The following DNAH14 variants were observed in gnomAD, a reference collection of about 807,000 sequenced individuals.
The protein encoded by DNAH14 is axonemal beta dynein heavy chain 14.
In DNAH14, 478 loss-of-function variants were observed where a neutral mutation model predicts 520.9. The observed-to-expected ratio is 0.92, with a 90% CI of 0.85 to 0.99. The LOEUF is 0.99. Among genes scored for constraint, DNAH14 ranks in the 50% least tolerant of loss-of-function variants. The probability of loss-of-function intolerance (pLI) is 0.00; values close to 1 mark genes in which losing one functional copy is unlikely to be tolerated. For synonymous variants in DNAH14, 1,581 were observed against 1,757.2 expected (o/e 0.90, Z 2.51); for missense variants, 4,831 against 5,234.5 (o/e 0.92, Z 2.38).
intron 1 of DNAH14, among the ~76,000 whole-genome samples, chr1:224,939,039 ATG>A (rs986757090): frequency 6.6e-6 from 1 of 152,162 alleles, no homozygotes; most frequent in Admixed American, 6.5e-5. Context: ...GGGGAGGGGG[ATG>A]AATGGAAAAA....
At chr1:225,075,005 C>A (rs1023318674) in intron 17 of DNAH14, among the ~76,000 whole-genome samples, 1 of 152,198 alleles carries the variant, frequency 6.6e-6, no homozygotes, top group Non-Finnish European at 1.5e-5. Flanking sequence ...GCCAGCATTG[C>A]AGTTACTTTT....
At chr1:225,165,879 A>G (rs2081995655) in intron 35 of DNAH14, among the ~76,000 whole-genome samples, 1 of 151,964 alleles carries the variant, frequency 6.6e-6, no homozygotes, top group Admixed American at 6.6e-5. Flanking sequence ...GACACCGCGC[A>G]TGGCCTCATA....
chr1:225,098,941 G>A (rs2075219559), intron 22 of DNAH14, among the ~76,000 whole-genome samples: 1 of 152,152 alleles, frequency 6.6e-6, no homozygotes, highest in Admixed American at 6.5e-5. Flanking sequence ...CTGCCTTTGA[G>A]TAATGGAGCA....
intron 68 of DNAH14, among the ~76,000 whole-genome samples, chr1:225,338,995 C>G (rs1424663686): frequency 6.6e-6 from 1 of 152,110 alleles, no homozygotes; most frequent in Non-Finnish European, 1.5e-5. Context: ...ATTATTACTC[C>G]TTAGAATTCT....
At chr1:224,956,705 T>G (rs1572041398) in intron 3 of DNAH14, among the ~76,000 whole-genome samples, 1 of 152,258 alleles carries the variant, frequency 6.6e-6, no homozygotes, top group East Asian at 1.9e-4. Flanking sequence ...ACACCTTTAG[T>G]TGTCTTCATC....
intron 46 of DNAH14, among the ~76,000 whole-genome samples, chr1:225,263,022 C>T (rs1312677450): frequency 6.6e-6 from 1 of 151,132 alleles, no homozygotes; most frequent in Non-Finnish European, 1.5e-5. Flanking sequence ...AAAGAACAAA[C>T]AATAAATCTA....
rs140368670 is a variant in DNAH14, at chr1:225,131,602, A to G, written c.4254+7988A>G. On this transcript the variant is annotated intron_variant, in intron 27 of 85. Transcript: ENST00000682510. ...TCTCTAGCTCAATTTTCTTAATTCAATTCCATCTGAAAAGTCCTTTTTGCC... is the reference window on the plus strand; with the variant it reads ...TCTCTAGCTCAATTTTCTTAATTCAGTTCCATCTGAAAAGTCCTTTTTGCC... Among the ~76,000 whole-genome samples the G allele has an allele frequency of 1.8e-4, 27 of 152,296 alleles. No individual in the cohort carries two copies. In the East Asian group the frequency reaches 3.5e-3, roughly 20 times the overall value.
Position 224,955,004 on chromosome 1 carries a change from A to G in DNAH14, c.123A>G (p.Leu41=). ...AAAAATATGAAGATGTGAAACCATT[A>G]GAGACTCAACCAGCTGAAATAGCAG... ...EEKKYEDVKP[L]ETQPAEIAEK... The change falls in exon 3 of 86, where the codon TTA becomes TTG. Residue 41 remains leucine, a synonymous_variant. Transcript: ENST00000682510. 2 of 1,608,868 alleles carry G rather than the reference A, an allele frequency of 1.2e-6. No homozygotes were observed. The highest frequency in any genetic ancestry group is 1.7e-6 in the Non-Finnish European group (2 of 1,175,834).
chr1:225,173,240 A>G (rs1291907328), intron 36 of DNAH14, among the ~76,000 whole-genome samples: 1 of 152,242 alleles, frequency 6.6e-6, no homozygotes, highest in Non-Finnish European at 1.5e-5. Context: ...AATGGCAACA[A>G]AAGCCAAAAT....
intron 28 of DNAH14, 80 bp downstream of exon 28, chr1:225,141,101 C>A: frequency 7.5e-7 from 1 of 1,333,392 alleles, no homozygotes. Flanking sequence ...CTACCTCACA[C>A]TTTGTCAAAC....
chr1:225,092,671 C>T (rs1364358350), intron 21 of DNAH14, among the ~76,000 whole-genome samples: 1 of 151,708 alleles, frequency 6.6e-6, no homozygotes, highest in Non-Finnish European at 1.5e-5. Flanking sequence ...AATAAATAAC[C>T]AAAATCAGAG....
intron 72 of DNAH14, among the ~76,000 whole-genome samples, chr1:225,352,622 AT>A (rs988067016): frequency 1.3e-5 from 2 of 151,842 alleles, no homozygotes; most frequent in African/African-American, 2.4e-5. Context: ...AGGAGTATTG[AT>A]TTTTTTTAAA....
Position 224,993,129 on chromosome 1 carries a change from C to A in DNAH14, c.831-9654C>A, listed in dbSNP as rs187294268. ...GCTAGAATTTGGTTTAAGATACTTA[C>A]ATCCATGTTTAAGGATATTGGCATG... On this transcript the variant is annotated intron_variant, in intron 8 of 85. Transcript: ENST00000682510. 2.1e-3 allele frequency among the ~76,000 whole-genome samples: 316 copies of A among 152,182 alleles called. 1 individual carries two copies. The highest frequency in any genetic ancestry group is 3.8e-3 in the Non-Finnish European group (257 of 67,950).
intron 23 of DNAH14, among the ~76,000 whole-genome samples, chr1:225,106,931 G>A (rs1011213663): frequency 5.9e-5 from 9 of 152,248 alleles, no homozygotes; most frequent in East Asian, 3.9e-4. Flanking sequence ...GAGGAGCTGC[G>A]TTTCTTTGGA....
At position 225,192,825 on chromosome 1, in the gene DNAH14, C is replaced by T. The variant is rs930272445; in HGVS notation, c.5800C>T (p.Arg1934Ter). The T allele has an allele frequency of 7.7e-6, 12 of 1,549,894 alleles. No homozygotes were observed. The highest frequency in any genetic ancestry group is 2.7e-5 in the African/African-American group (2 of 72,914). Residue 1934 changes from arginine to a stop codon, truncating the protein, a stop_gained, in exon 38 of 86, where the codon CGA becomes TGA. Transcript: ENST00000682510. LOFTEE classifies it high-confidence loss of function. ...TGATGGATTATTATCAGCAACAATT[C>T]GAAGTTATGTATATTTTAACACACC... ...WTDGLLSATI[R>*]SYVYFNTPKN... is the part of the protein sequence containing the mutation.
At chr1:225,201,133 C>T (rs899725334) in intron 38 of DNAH14, among the ~76,000 whole-genome samples, 1 of 151,790 alleles carries the variant, frequency 6.6e-6, no homozygotes, top group Non-Finnish European at 1.5e-5. Context: ...GAAGTTCTCC[C>T]TTCTGCTTGT....
intron 27 of DNAH14, among the ~76,000 whole-genome samples, chr1:225,138,731 C>G (rs959390078): frequency 1.3e-5 from 2 of 152,172 alleles, no homozygotes; most frequent in Non-Finnish European, 2.9e-5. Context: ...ACCGCCTCCC[C>G]TGGCTGGGGG....
At chr1:225,047,843 G>T (rs562392605) in intron 15 of DNAH14, among the ~76,000 whole-genome samples, 1 of 152,290 alleles carries the variant, frequency 6.6e-6, no homozygotes, top group South Asian at 2.1e-4. Flanking sequence ...CTTCAATGAG[G>T]TTATGTAGTT....
chr1:225,191,112 A>G (rs2085378315), intron 37 of DNAH14, among the ~76,000 whole-genome samples: 1 of 152,064 alleles, frequency 6.6e-6, no homozygotes, highest in Non-Finnish European at 1.5e-5. Flanking sequence ...AATCAAAAAT[A>G]AAGTAATAGT....
Sources: allele counts gnomAD v4.1 joint callset (sites outside exome capture counted in the v4.1 genomes callset), GRCh38; gene constraint gnomAD v4.1.1; transcripts MANE v1.5; gene names NCBI Gene and HGNC (gene_info 2026-07-23, HGNC 2026-07-21).